The following BICRAL variants were observed in gnomAD, a reference collection of about 807,000 sequenced individuals.
BICRAL encodes the protein BRD4-interacting chromatin-remodeling complex-associated protein-like.
A neutral mutation model predicts 91.8 loss-of-function variants in BICRAL; 8 were observed. The observed-to-expected ratio is 0.09, with a 90% CI of 0.05 to 0.16. BICRAL has a LOEUF of 0.16. Among genes scored for constraint, BICRAL ranks in the 10% least tolerant of loss-of-function variants. The pLI is 1.00. For missense variants in BICRAL, 1,038 were observed against 1,310.9 expected (o/e 0.79, Z 3.21); for synonymous variants, 445 against 491.1 (o/e 0.91, Z 1.24).
At chr6:42,846,003 G>A (rs1035255911) in intron 6 of BICRAL, among the ~76,000 whole-genome samples, 12 of 148,382 alleles carry the variant, frequency 8.1e-5, no homozygotes, top group South Asian at 2.1e-4. Context: ...CCCAGGAGGC[G>A]GAGCTTGCAG....
At chr6:42,855,728 C>T (rs1307489716) in intron 8 of BICRAL, 128 bp from the exon 9 acceptor site, 5 of 683,466 alleles carry the variant, frequency 7.3e-6, no homozygotes, top group Non-Finnish European at 1.3e-5. Flanking sequence ...TTCAGCAGGG[C>T]ACATTCTGTA....
At chr6:42,792,867 C>T (rs1763312212) in intron 1 of BICRAL, among the ~76,000 whole-genome samples, 1 of 151,630 alleles carries the variant, frequency 6.6e-6, no homozygotes, top group Non-Finnish European at 1.5e-5. Flanking sequence ...GAGCCAAAAT[C>T]GTGCCACTGC....
intron 9 of BICRAL, 54 bp from the exon 10 acceptor site, chr6:42,857,037 G>C: frequency 1.4e-6 from 2 of 1,465,910 alleles, no homozygotes. Flanking sequence ...AATATGACTA[G>C]ATTTAATTTC....
chr6:42,781,592 G>T (rs181217191), upstream of BICRAL, among the ~76,000 whole-genome samples: 7 of 116,704 alleles, frequency 6.0e-5, no homozygotes, highest in African/African-American at 1.4e-4. Flanking sequence ...TGGGTGGGTG[G>T]GTGGGTGTGT....
chr6:42,791,009 G>C (rs1034028285), intron 1 of BICRAL, among the ~76,000 whole-genome samples: 1 of 152,070 alleles, frequency 6.6e-6, no homozygotes, highest in South Asian at 2.1e-4. Flanking sequence ...GCTACAAGCA[G>C]AGGGAGCTCA....
intron 6 of BICRAL, among the ~76,000 whole-genome samples, chr6:42,843,698 G>A (rs749774617): frequency 3.3e-5 from 5 of 152,038 alleles, no homozygotes; most frequent in Admixed American, 6.6e-5. Flanking sequence ...CAAGTTTGAG[G>A]TACCTGTAGG....
intron 11 of BICRAL, among the ~76,000 whole-genome samples, chr6:42,861,952 T>C (rs1418883362): frequency 6.6e-6 from 1 of 152,184 alleles, no homozygotes; most frequent in Non-Finnish European, 1.5e-5. Flanking sequence ...AGAGCCAAGA[T>C]TGTGCCACTG....
intron 1 of BICRAL, among the ~76,000 whole-genome samples, chr6:42,794,794 C>CAAAAA (rs1207429482): frequency 1.0e-5 from 1 of 95,250 alleles, no homozygotes; most frequent in Admixed American, 1.2e-4. Context: ...ACTAAAAATA[C>CAAAAA]AAAAAAAAAA....
intron 6 of BICRAL, among the ~76,000 whole-genome samples, chr6:42,850,304 G>C (rs1765137632): frequency 6.6e-6 from 1 of 152,136 alleles, no homozygotes; most frequent in South Asian, 2.1e-4. Context: ...CAGATCACCT[G>C]AGGTCAGGAG....
chr6:42,783,537 G>T (rs1421978058), intron 1 of BICRAL, among the ~76,000 whole-genome samples: 1 of 152,076 alleles, frequency 6.6e-6, no homozygotes, highest in African/African-American at 2.4e-5. Flanking sequence ...CGCGGGCGGC[G>T]CCCTCCGAGG....
chr6:42,800,165 A>G (rs1276851580), intron 1 of BICRAL, among the ~76,000 whole-genome samples: 2 of 152,090 alleles, frequency 1.3e-5, no homozygotes, highest in Non-Finnish European at 2.9e-5. Context: ...TCCAGCTTCA[A>G]GTGATTCTCC....
At chr6:42,778,123 C>T (rs1000668490), upstream of BICRAL, among the ~76,000 whole-genome samples, 1 of 152,168 alleles carries the variant, frequency 6.6e-6, no homozygotes, top group Non-Finnish European at 1.5e-5. Context: ...CTGAAATTCT[C>T]CTACTGTGTC....
intron 1 of BICRAL, among the ~76,000 whole-genome samples, chr6:42,797,672 T>A (rs894182791): frequency 4.6e-5 from 7 of 152,082 alleles, no homozygotes; most frequent in Admixed American, 1.3e-4. Flanking sequence ...ACTGTTTTTT[T>A]AAATTATTAA....
At chr6:42,785,394 A>T (rs918328547) in intron 1 of BICRAL, among the ~76,000 whole-genome samples, 1 of 151,846 alleles carries the variant, frequency 6.6e-6, no homozygotes, top group Admixed American at 6.6e-5. Context: ...CCCCGTCTGT[A>T]CTAAAAATAC....
intron 1 of BICRAL, among the ~76,000 whole-genome samples, chr6:42,754,418 C>T (rs917067656): frequency 6.6e-6 from 1 of 151,974 alleles, no homozygotes; most frequent in Non-Finnish European, 1.5e-5. Flanking sequence ...GTGATCCGCC[C>T]ATCTCGGCCT....
chr6:42,804,486 A>G (rs1165712250), intron 1 of BICRAL, among the ~76,000 whole-genome samples: 1 of 152,234 alleles, frequency 6.6e-6, no homozygotes, highest in Non-Finnish European at 1.5e-5. Flanking sequence ...CGGGATTTAA[A>G]TAAAACTAAA....
chr6:42,813,625 G>T (rs1291563308), intron 2 of BICRAL, among the ~76,000 whole-genome samples: 2 of 151,920 alleles, frequency 1.3e-5, no homozygotes, highest in Non-Finnish European at 2.9e-5. Context: ...GGCTCAGGTG[G>T]TCCTCCCACC....
chr6:42,759,160 C>G (rs1762506067), intron 1 of BICRAL, among the ~76,000 whole-genome samples: 1 of 152,168 alleles, frequency 6.6e-6, no homozygotes, highest in African/African-American at 2.4e-5. Flanking sequence ...GTGTCAGGAA[C>G]TGAAGCACTT....
At chr6:42,783,143 C>A (rs1389058419) in intron 1 of BICRAL, among the ~76,000 whole-genome samples, 1 of 151,050 alleles carries the variant, frequency 6.6e-6, no homozygotes, top group Non-Finnish European at 1.5e-5. Context: ...CGTTCCCGCT[C>A]CCGCTCCGAG....
Sources: gnomAD v4.1 joint callset for allele counts (sites outside exome capture counted in the v4.1 genomes callset) on GRCh38, gnomAD v4.1.1 for gene constraint, MANE v1.5 for transcripts, NCBI Gene and HGNC (gene_info 2026-07-23, HGNC 2026-07-21) for gene names.